Variants in LRRIQ3 observed in about 807,000 individuals in gnomAD.
LRRIQ3 encodes the protein leucine-rich repeat and IQ domain-containing protein 3.
LRRIQ3 carries 75 observed loss-of-function variants against 59.3 expected under a neutral mutation model. The ratio of observed to expected loss-of-function variants is 1.26; its 90% confidence interval spans 1.05 to 1.53. The LOEUF is 1.53. LRRIQ3 is among the 40% of genes most tolerant of loss of function. The pLI, the probability that LRRIQ3 is intolerant of heterozygous loss-of-function variation, is 0.00. For missense variants in LRRIQ3, 831 were observed against 710.0 expected (o/e 1.17, Z -1.94); for synonymous variants, 250 against 231.3 (o/e 1.08, Z -0.73).
chr1:74,054,173 G>T (rs1654452898), intron 6 of LRRIQ3, among the ~76,000 whole-genome samples: 1 of 151,766 alleles, frequency 6.6e-6, no homozygotes, highest in Non-Finnish European at 1.5e-5. Context: ...GGTATATCCA[G>T]ACCATGGAAT....
At position 74,041,744 on chromosome 1, in the gene LRRIQ3, T is replaced by C; in HGVS notation, c.1187A>G (p.Lys396Arg). Residue 396 changes from lysine to arginine, a missense_variant, in exon 7 of 8, where the codon AAA (lysine) becomes AGA (arginine). Coordinates refer to ENST00000354431, the MANE Select transcript of LRRIQ3 (RefSeq NM_001105659.2). The part of the protein sequence containing the change: ...YTTHPKPIIK[K>R]DIRLERSMKE... Reference sequence around the variant, plus strand: ...CATACTCCGCTCCAATCGTATGTCTTTTTTAATGATTGGCTTTGGATGAGT... The same window carrying C: ...CATACTCCGCTCCAATCGTATGTCTCTTTTAATGATTGGCTTTGGATGAGT... 6.2e-7 allele frequency: 1 copy of C among 1,613,758 alleles called. No homozygotes were observed. The highest frequency in any genetic ancestry group is 1.1e-5 in the South Asian group (1 of 91,062).
At chr1:74,094,397 G>A (rs1646427218) in intron 5 of LRRIQ3, among the ~76,000 whole-genome samples, 1 of 152,042 alleles carries the variant, frequency 6.6e-6, no homozygotes. Flanking sequence ...ACATTAGAGA[G>A]GATGTATGTA....
At chr1:74,127,694 A>C (rs1646956317) in intron 4 of LRRIQ3, among the ~76,000 whole-genome samples, 1 of 151,592 alleles carries the variant, frequency 6.6e-6, no homozygotes, top group Non-Finnish European at 1.5e-5. Flanking sequence ...AAGTTGTTGT[A>C]GTTATTATTT....
In LRRIQ3 at chr1:74,109,448, A is replaced by G; in HGVS notation, c.813T>C (p.Asp271=). ...TKGYEDKLLK[D]LFFKPETNIK... is the part of the protein sequence containing the mutation. ...TATTAGTTTCAGGTTTGAAAAAGAG[A>G]TCCTTAAGGAGCTTATCTTCATACC... The change falls in exon 5 of 8, where the codon GAT becomes GAC. Residue 271 remains aspartate (D), a synonymous_variant. Coordinates refer to ENST00000354431, the MANE Select transcript of LRRIQ3 (RefSeq NM_001105659.2). 3 of 1,569,898 alleles carry G rather than the reference A, an allele frequency of 1.9e-6. No individual in the cohort carries two copies. Among genetic ancestry groups the G allele is most frequent in the Non-Finnish European group, 2.6e-6 (3 of 1,158,918 alleles).
chr1:74,041,967 A>G, intron 6 of LRRIQ3, 34 bp from the exon 7 acceptor site: 2 of 1,503,426 alleles, frequency 1.3e-6, no homozygotes, highest in Non-Finnish European at 1.8e-6. Context: ...TATACATTAT[A>G]CAAGAGCTAA....
chr1:74,072,079 G>C (rs1655043267), intron 6 of LRRIQ3, among the ~76,000 whole-genome samples: 1 of 151,904 alleles, frequency 6.6e-6, no homozygotes, highest in Admixed American at 6.6e-5. Flanking sequence ...TTACTTTTAA[G>C]GGTAGTTTGA....
rs572890995 is a variant in LRRIQ3, at chr1:74,119,728, G to A, written c.708-10175C>T. On this transcript the variant is annotated intron_variant, in intron 4 of 7. Coordinates refer to ENST00000354431, the MANE Select transcript of LRRIQ3 (RefSeq NM_001105659.2). ...TAAAATAATACTCCTATCCTACTTT[G>A]AGATTCCCTTATATACACAGCTCTT... is the stretch of plus-strand genomic sequence containing the variant. Among the ~76,000 whole-genome samples the A allele has an allele frequency of 2.0e-5, 3 of 152,064 alleles. No homozygotes were observed. The South Asian group carries it at 6.2e-4, about 32-fold the overall frequency.
chr1:74,028,950 T>A (rs192151274), intron 7 of LRRIQ3, among the ~76,000 whole-genome samples: 35 of 152,058 alleles, frequency 2.3e-4, no homozygotes, highest in African/African-American at 7.7e-4. Context: ...AGGATAGTAA[T>A]TAAGTCAATA....
chr1:74,090,928 T>TA (rs1276893424), intron 5 of LRRIQ3, among the ~76,000 whole-genome samples: 1 of 151,700 alleles, frequency 6.6e-6, no homozygotes, highest in Middle Eastern at 3.2e-3. Flanking sequence ...TAAATCAAAA[T>TA]AAAAAAATTA....
chr1:74,194,038 T>C (rs1650937913), intron 1 of LRRIQ3, among the ~76,000 whole-genome samples: 1 of 152,140 alleles, frequency 6.6e-6, no homozygotes, highest in African/African-American at 2.4e-5. Flanking sequence ...TTTATTTGGA[T>C]AACAGATTTG....
chr1:74,099,827 G>A (rs1646504799), intron 5 of LRRIQ3, among the ~76,000 whole-genome samples: 1 of 152,124 alleles, frequency 6.6e-6, no homozygotes. Flanking sequence ...CTCAATAGAT[G>A]CAGAAAAGGC....
intron 3 of LRRIQ3, among the ~76,000 whole-genome samples, chr1:74,165,942 A>G (rs1452900931): frequency 6.6e-6 from 1 of 151,550 alleles, no homozygotes; most frequent in Non-Finnish European, 1.5e-5. Flanking sequence ...ATATATTTTT[A>G]TATACTGCTG....
chr1:74,142,142 A>G (rs545465819), intron 4 of LRRIQ3, among the ~76,000 whole-genome samples: 1 of 151,836 alleles, frequency 6.6e-6, no homozygotes, highest in Admixed American at 6.6e-5. Flanking sequence ...TGGTGATTTC[A>G]TTTCCTTTGA....
At position 74,183,446 on chromosome 1, in the gene LRRIQ3, T is replaced by G. The variant is rs552021191; in HGVS notation, c.239A>C (p.His80Pro). The G allele has an allele frequency of 6.4e-7, 1 of 1,574,692 alleles. No individual in the cohort carries two copies. Among genetic ancestry groups the G allele is most frequent in the South Asian group, 1.2e-5 (1 of 84,508 alleles). ...ATGGCTATTGCTTACCTGATTTCCATGGAGATCAAGTTTGATTAATTTTAT... is the reference window on the plus strand; with the variant it reads ...ATGGCTATTGCTTACCTGATTTCCAGGGAGATCAAGTTTGATTAATTTTAT... ...SCIKLIKLDL[H>P]GNQIKSLPNT... The change falls in exon 2 of 8, where the codon CAT (histidine) becomes CCT (proline). Residue 80 changes from histidine (H) to proline (P), a missense_variant. His to Pro is a moderately conservative substitution (Grantham distance 77, BLOSUM62 -2). Transcript: ENST00000354431.
At chr1:74,158,205 T>C (rs147183906) in intron 3 of LRRIQ3, among the ~76,000 whole-genome samples, 1 of 152,142 alleles carries the variant, frequency 6.6e-6, no homozygotes, top group African/African-American at 2.4e-5. Flanking sequence ...CTAACTTATA[T>C]CTTCATTAAT....
At chr1:74,030,029 A>C (rs999511882) in intron 7 of LRRIQ3, among the ~76,000 whole-genome samples, 1 of 152,066 alleles carries the variant, frequency 6.6e-6, no homozygotes, top group Admixed American at 6.6e-5. Context: ...AATCGTTTCA[A>C]AGAGAATAAA....
intron 1 of LRRIQ3, among the ~76,000 whole-genome samples, chr1:74,192,567 T>G (rs1261676312): frequency 1.3e-5 from 2 of 152,132 alleles, no homozygotes; most frequent in Non-Finnish European, 2.9e-5. Flanking sequence ...ACTAAAATAA[T>G]TTAGTCTTAT....
intron 3 of LRRIQ3, among the ~76,000 whole-genome samples, chr1:74,165,201 G>A (rs1001677403): frequency 8.6e-5 from 13 of 151,360 alleles, no homozygotes; most frequent in African/African-American, 2.9e-4. Flanking sequence ...CAATCTTATG[G>A]AATTTTGATA....
Position 74,170,777 on chromosome 1 carries a change from T to C in LRRIQ3, c.573+11761A>G, listed in dbSNP as rs1465577175. Among the ~76,000 whole-genome samples, 3 of 152,292 alleles carry C rather than the reference T, an allele frequency of 2.0e-5. No homozygotes were observed. The East Asian group carries it at 5.8e-4, about 29-fold the overall frequency. Reference sequence around the variant, plus strand: ...ATTGCTTTGGGTGGGATAGACATTTTAACAATACTAATTTTTTAGTCCATG... The same window carrying C: ...ATTGCTTTGGGTGGGATAGACATTTCAACAATACTAATTTTTTAGTCCATG... On this transcript the variant is annotated intron_variant, in intron 3 of 7. Transcript: ENST00000354431.
Sources: allele counts gnomAD v4.1 joint callset (sites outside exome capture counted in the v4.1 genomes callset), GRCh38; gene constraint gnomAD v4.1.1; transcripts MANE v1.5; gene names NCBI Gene and HGNC (gene_info 2026-07-23, HGNC 2026-07-21).